Variants in PEX16 observed in about 807,000 individuals in gnomAD.
PEX16 encodes peroxin 16.
PEX16 carries 37 observed loss-of-function variants against 50.5 expected under a neutral mutation model. The observed-to-expected ratio is 0.73, with a 90% CI of 0.56 to 0.96. The LOEUF (loss-of-function observed/expected upper bound fraction) is 0.96, where lower values mean the gene tolerates loss of function less well. Ranked by LOEUF, PEX16 falls within the 40% of genes least tolerant of loss-of-function variation. PEX16 has a pLI of 0.00. For synonymous variants in PEX16, 185 were observed against 190.3 expected (o/e 0.97, Z 0.23); for missense variants, 401 against 438.3 (o/e 0.91, Z 0.76).
Position 45,910,938 on chromosome 11 carries a change from C to T in PEX16, c.912G>A (p.Gln304=), listed in dbSNP as rs1431975952. 1 of 1,613,450 alleles carries T rather than the reference C, an allele frequency of 6.2e-7. No homozygotes were observed. The highest frequency in any genetic ancestry group is 2.2e-5 in the East Asian group (1 of 44,900). Residue 304 remains glutamine (Q), a synonymous_variant, in exon 10 of 11, where the codon CAG becomes CAA. Coordinates refer to ENST00000378750, the MANE Select transcript of PEX16 (RefSeq NM_004813.4). ...FSEARILFLL[Q]LLADHVPGVG... ...CGCCAGGGACGTGGTCGGCCAGCAA[C>T]TGGAGCAGGAAGAGGATCCTGGCCC...
chr11:45,914,054 C>A, intron 8 of PEX16, 77 bp downstream of exon 8: 1 of 1,563,914 alleles, frequency 6.4e-7, no homozygotes, highest in Middle Eastern at 1.8e-4. Flanking sequence ...GGGGCCGCTG[C>A]CACCCCGCCT....
Position 45,913,899 on chromosome 11 carries a change from C to A in PEX16, c.807G>T (p.Arg269Ser), listed in dbSNP as rs749149149. 1.9e-6 allele frequency: 3 copies of A among 1,613,510 alleles called. No homozygotes were observed. The South Asian group carries it at 3.3e-5, about 18-fold the overall frequency. The change falls in exon 9 of 11, where the codon AGG becomes AGT. Residue 269 changes from arginine to serine, a missense_variant. Coordinates refer to ENST00000378750, the MANE Select transcript of PEX16 (RefSeq NM_004813.4). The part of the protein sequence containing the change: ...LLSDRKGLTR[R>S]ERRELRRRTI... ...TCCGGCGCCGCAGCTCCCGCCGCTCCCTCCGGGTCAGGCCCTTTCTGTCAC... is the reference window on the plus strand; with the variant it reads ...TCCGGCGCCGCAGCTCCCGCCGCTCACTCCGGGTCAGGCCCTTTCTGTCAC...
chr11:45,914,753 G>T, intron 5 of PEX16, 69 bp from the exon 6 acceptor site: 1 of 1,308,240 alleles, frequency 7.6e-7, no homozygotes, highest in Non-Finnish European at 1.1e-6. Context: ...CAAAGAACGT[G>T]TGCAGTGAAT....
At chr11:45,911,065 C>T in intron 9 of PEX16, 103 bp from the exon 10 acceptor site, 3 of 808,072 alleles carry the variant, frequency 3.7e-6, no homozygotes, top group East Asian at 2.4e-5. Context: ...CCGAATGCAG[C>T]GCATTCCAGA....
Position 45,915,586 on chromosome 11 carries a change from T to A in PEX16, c.360-18A>T, listed in dbSNP as rs376700606. On this transcript the variant is annotated intron_variant, in intron 4 of 10. Coordinates refer to ENST00000378750, the MANE Select transcript of PEX16 (RefSeq NM_004813.4). ...GTACAGCCCTGGGTCGGGGAGTATG[T>A]CAGGGTTGTGGGGAGGTGGCTAGCC... The A allele has an allele frequency of 5.6e-6, 9 of 1,613,706 alleles. No homozygotes were observed. The highest frequency in any genetic ancestry group is 7.6e-6 in the Non-Finnish European group (9 of 1,179,672).
At chr11:45,914,057 C>G in intron 8 of PEX16, 74 bp downstream of exon 8, 3 of 1,571,296 alleles carry the variant, frequency 1.9e-6, no homozygotes, top group Non-Finnish European at 2.6e-6. Context: ...GCCGCTGCCA[C>G]CCCGCCTATG....
chr11:45,911,405 T>C (rs992381366), intron 9 of PEX16, among the ~76,000 whole-genome samples: 6 of 152,172 alleles, frequency 3.9e-5, no homozygotes, highest in Middle Eastern at 3.2e-3. Flanking sequence ...AGGACCTTGG[T>C]AGGGGACACA....
rs1356940294 is a variant in PEX16, at chr11:45,917,765, G to A, written c.47C>T (p.Thr16Ile). 4 of 1,554,010 alleles carry A rather than the reference G, an allele frequency of 2.6e-6. No homozygotes were observed. The highest frequency in any genetic ancestry group is 3.5e-6 in the Non-Finnish European group (4 of 1,150,234). ...LLGLRYQEYVTRHPAATAQLE... is the reference protein window; with the variant it reads ...LLGLRYQEYVIRHPAATAQLE... ...CTGGGCCGTGGCGGCCGGGTGACGA[G>A]TCACGTACTCCTGGTAGCGGAGGCC... The change falls in exon 1 of 11, where the codon ACT becomes ATT. Residue 16 changes from threonine (T) to isoleucine (I), a missense_variant. Physicochemically the swap from Thr to Ile is moderately conservative, Grantham distance 89. Coordinates refer to ENST00000378750, the MANE Select transcript of PEX16 (RefSeq NM_004813.4).
chr11:45,910,065 T>A lies in PEX16; in HGVS notation c.*189A>T. ...AGCAGTGACAAGGTGCGGGCTGCAG[T>A]GGCATCGTCACAGGAGAGCGCAGTC... On this transcript the variant is annotated 3_prime_UTR_variant, in exon 11 of 11. Transcript: ENST00000378750. 1 of 1,594,686 alleles carries A rather than the reference T, an allele frequency of 6.3e-7. No individual in the cohort carries two copies.
intron 9 of PEX16, among the ~76,000 whole-genome samples, chr11:45,911,256 G>C (rs149509933): frequency 1.3e-5 from 2 of 152,174 alleles, no homozygotes; most frequent in African/African-American, 4.8e-5. Context: ...GCCTCTAGAG[G>C]GTCGCATGTG....
chr11:45,918,186 G>T (rs552131343), upstream of PEX16: 253 of 366,836 alleles, frequency 6.9e-4, 2 homozygotes, highest in African/African-American at 5.0e-3. Context: ...AGTCAGAGCA[G>T]TTCATTCTAG....
chr11:45,914,332 G>C lies in PEX16; in HGVS notation c.678C>G (p.Ala226=). 1 of 1,612,932 alleles carries C rather than the reference G, an allele frequency of 6.2e-7. No individual in the cohort carries two copies. The highest frequency in any genetic ancestry group is 8.5e-7 in the Non-Finnish European group (1 of 1,180,020). The part of the protein sequence containing the change: ...QETIAEFLYI[A]RPLLHLLSLG... ...TAAGGATACAGTGCAGCAGCGGCCG[G>C]GCAATGTACAAAAACTCTGCGATGG... Residue 226 remains alanine, a synonymous_variant, in exon 7 of 11, where the codon GCC becomes GCG. Coordinates refer to ENST00000378750, the MANE Select transcript of PEX16 (RefSeq NM_004813.4).
In PEX16 at chr11:45,915,575, C is replaced by G; in HGVS notation, c.360-7G>C. On this transcript the variant is annotated splice_region_variant and splice_polypyrimidine_tract_variant and intron_variant, in intron 4 of 10. Coordinates refer to ENST00000378750, the MANE Select transcript of PEX16 (RefSeq NM_004813.4). ...GAGCATCCGCAGTACAGCCCTGGGT[C>G]GGGGAGTATGTCAGGGTTGTGGGGA... 3.1e-6 allele frequency: 5 copies of G among 1,613,920 alleles called. No individual in the cohort carries two copies. Among genetic ancestry groups the G allele is most frequent in the Non-Finnish European group, 4.2e-6 (5 of 1,179,880 alleles).
At position 45,910,110 on chromosome 11, in the gene PEX16, C is replaced by G; in HGVS notation, c.*144G>C. 1 of 1,611,584 alleles carries G rather than the reference C, an allele frequency of 6.2e-7. No homozygotes were observed. The highest frequency in any genetic ancestry group is 8.5e-7 in the Non-Finnish European group (1 of 1,179,896). On this transcript the variant is annotated 3_prime_UTR_variant, in exon 11 of 11. Transcript: ENST00000378750. ...GCAGTCAAGGGTGTCCTGGGAGGAA[C>G]GCTGGTGGCGACCAGGGCTGTGTGT...
chr11:45,914,804 G>C, intron 5 of PEX16, 120 bp from the exon 6 acceptor site: 1 of 869,576 alleles, frequency 1.1e-6, no homozygotes, highest in Non-Finnish European at 1.9e-6. Context: ...TTGTACTATG[G>C]CAACAGCTGA....
chr11:45,915,572 G>T lies in PEX16; in HGVS notation c.360-4C>A. On this transcript the variant is annotated splice_region_variant and splice_polypyrimidine_tract_variant and intron_variant, in intron 4 of 10. Transcript: ENST00000378750. Reference sequence around the variant, plus strand: ...CAGGAGCATCCGCAGTACAGCCCTGGGTCGGGGAGTATGTCAGGGTTGTGG... The same window carrying T: ...CAGGAGCATCCGCAGTACAGCCCTGTGTCGGGGAGTATGTCAGGGTTGTGG... The T allele has an allele frequency of 1.2e-6, 2 of 1,613,970 alleles. No individual in the cohort carries two copies. The highest frequency in any genetic ancestry group is 1.7e-6 in the Non-Finnish European group (2 of 1,179,890).
chr11:45,912,648 C>T (rs182678052), intron 9 of PEX16, among the ~76,000 whole-genome samples: 173 of 152,114 alleles, frequency 1.1e-3, no homozygotes, highest in South Asian at 7.1e-3. Flanking sequence ...GGACTACAGG[C>T]GTGTGCCATC....
Sources: allele counts gnomAD v4.1 joint callset (sites outside exome capture counted in the v4.1 genomes callset), GRCh38; gene constraint gnomAD v4.1.1; transcripts MANE v1.5; gene names NCBI Gene and HGNC (gene_info 2026-07-23, HGNC 2026-07-21).